Variants in DAB1 observed in about 807,000 individuals in gnomAD.
The protein encoded by DAB1 is DAB adaptor protein 1, also known as disabled homolog 1.
Under a neutral mutation model 64.6 loss-of-function variants are expected in DAB1, and 15 were observed. That is an observed-to-expected ratio of 0.23 (90% CI 0.16 to 0.36). The LOEUF is 0.36. Ranked by LOEUF, DAB1 falls within the 10% of genes least tolerant of loss-of-function variation. The probability of loss-of-function intolerance (pLI) is 1.00; values close to 1 mark genes in which losing one functional copy is unlikely to be tolerated. For missense variants in DAB1, 596 were observed against 706.7 expected, an observed-to-expected ratio of 0.84 and a Z score of 1.78; for synonymous variants, 235 against 251.9, an observed-to-expected ratio of 0.93 and a Z score of 0.64.
chr1:57,563,888 G>A (rs1166371242), intron 7 of DAB1, among the ~76,000 whole-genome samples: 1 of 152,310 alleles, frequency 6.6e-6, no homozygotes, highest in East Asian at 1.9e-4. Context: ...ACAAAAGGCA[G>A]AGAAACCTCT....
intron 4 of DAB1, among the ~76,000 whole-genome samples, chr1:58,239,891 T>C (rs1570527457): frequency 6.6e-6 from 1 of 152,106 alleles, no homozygotes; most frequent in Admixed American, 6.5e-5. Context: ...AGGTTTCCAG[T>C]CCCGGAGCCG....
intron 6 of DAB1, among the ~76,000 whole-genome samples, chr1:57,685,128 A>AT (rs1431504040): frequency 6.6e-6 from 1 of 151,294 alleles, no homozygotes; most frequent in East Asian, 2.0e-4. Context: ...ACTTTTTTCT[A>AT]TTTTTAGTAG....
At chr1:57,306,083 C>A (rs1443888645) in intron 1 of DAB1, among the ~76,000 whole-genome samples, 1 of 151,966 alleles carries the variant, frequency 6.6e-6, no homozygotes, top group Non-Finnish European at 1.5e-5. Flanking sequence ...TACTTCTTTA[C>A]AATCTGGGAA....
At chr1:58,106,838 C>T (rs1176535847) in intron 5 of DAB1, among the ~76,000 whole-genome samples, 3 of 141,366 alleles carry the variant, frequency 2.1e-5, no homozygotes, top group Non-Finnish European at 3.0e-5. Flanking sequence ...CTCCCTCCCT[C>T]CTTCATCCCT....
At chr1:57,251,501 G>A (rs544379871) in intron 2 of DAB1, among the ~76,000 whole-genome samples, 1 of 152,234 alleles carries the variant, frequency 6.6e-6, no homozygotes, top group South Asian at 2.1e-4. Flanking sequence ...AGTATTGAAA[G>A]GTTTAGTGTA....
At chr1:58,059,335 C>A (rs542511158) in intron 5 of DAB1, among the ~76,000 whole-genome samples, 1 of 152,318 alleles carries the variant, frequency 6.6e-6, no homozygotes, top group East Asian at 1.9e-4. Flanking sequence ...TTTCTTCATC[C>A]ATAAAATGGC....
chr1:57,900,936 A>G (rs1373648603), intron 5 of DAB1, among the ~76,000 whole-genome samples: 1 of 152,314 alleles, frequency 6.6e-6, no homozygotes, highest in Admixed American at 6.5e-5. Flanking sequence ...GGAACACAGC[A>G]GGTGCTTCAT....
chr1:57,842,878 T>C (rs1653117597), intron 1 of DAB1, among the ~76,000 whole-genome samples: 1 of 152,214 alleles, frequency 6.6e-6, no homozygotes, highest in South Asian at 2.1e-4. Flanking sequence ...ACATTTATAT[T>C]AGTGTACAGT....
intron 6 of DAB1, among the ~76,000 whole-genome samples, chr1:57,657,733 G>A (rs983834912): frequency 2.0e-5 from 3 of 152,200 alleles, no homozygotes; most frequent in African/African-American, 7.2e-5. Flanking sequence ...CATGTGTGTA[G>A]TGGCATTAGT....
At chr1:58,219,430 G>A (rs1393906014) in intron 4 of DAB1, among the ~76,000 whole-genome samples, 1 of 152,082 alleles carries the variant, frequency 6.6e-6, no homozygotes, top group African/African-American at 2.4e-5. Flanking sequence ...TCCTGCAAAG[G>A]CTTCTCTGGT....
chr1:58,417,347 G>T (rs1373657267), intron 3 of DAB1, among the ~76,000 whole-genome samples: 3 of 152,230 alleles, frequency 2.0e-5, no homozygotes, highest in Admixed American at 2.0e-4. Flanking sequence ...AGGGTGCAAA[G>T]GTGGCCCCTG....
intron 4 of DAB1, among the ~76,000 whole-genome samples, chr1:58,241,592 T>C (rs1439315362): frequency 1.3e-5 from 2 of 151,900 alleles, no homozygotes; most frequent in African/African-American, 2.4e-5. Flanking sequence ...AAAATGACTA[T>C]CTATAATGTA....
intron 5 of DAB1, among the ~76,000 whole-genome samples, chr1:58,022,220 C>A (rs1646825004): frequency 6.6e-6 from 1 of 152,144 alleles, no homozygotes; most frequent in Admixed American, 6.5e-5. Flanking sequence ...AGTGCCAACC[C>A]ATTGCACAAA....
At chr1:58,151,062 T>C (rs145421771) in intron 4 of DAB1, among the ~76,000 whole-genome samples, 2,501 of 152,358 alleles carry the variant, frequency 0.016, 63 homozygotes, top group South Asian at 0.099. Flanking sequence ...ATGATGTATA[T>C]GTACCACATT....
intron 1 of DAB1, among the ~76,000 whole-genome samples, chr1:57,411,024 T>C (rs1684062656): frequency 6.6e-6 from 1 of 151,934 alleles, no homozygotes; most frequent in African/African-American, 2.4e-5. Context: ...CTAAAATAAT[T>C]TGGGGAGAAA....
chr1:58,053,208 A>G (rs1487812520), intron 5 of DAB1, among the ~76,000 whole-genome samples: 1 of 152,170 alleles, frequency 6.6e-6, no homozygotes, highest in African/African-American at 2.4e-5. Flanking sequence ...CACTCTTGGT[A>G]CCAGTTTTCT....
intron 5 of DAB1, among the ~76,000 whole-genome samples, chr1:58,149,351 A>G (rs544952590): frequency 6.6e-6 from 1 of 152,280 alleles, no homozygotes; most frequent in South Asian, 2.1e-4. Flanking sequence ...GAGGGCTACT[A>G]TCTATGGAAA....
At chr1:57,711,608 G>A (rs1005799515) in intron 6 of DAB1, among the ~76,000 whole-genome samples, 7 of 152,198 alleles carry the variant, frequency 4.6e-5, no homozygotes, top group South Asian at 2.1e-4. Flanking sequence ...AGTGAACAGC[G>A]GACTATAAGT....
At chr1:57,472,218 G>A (rs1027746042) in intron 7 of DAB1, among the ~76,000 whole-genome samples, 1 of 152,218 alleles carries the variant, frequency 6.6e-6, no homozygotes, top group Non-Finnish European at 1.5e-5. Context: ...GTTTTGGCTT[G>A]TGCCGTTTTA....
Sources: allele counts gnomAD v4.1 joint callset (sites outside exome capture counted in the v4.1 genomes callset), GRCh38; gene constraint gnomAD v4.1.1; transcripts MANE v1.5; gene names NCBI Gene and HGNC (gene_info 2026-07-23, HGNC 2026-07-21).